CACNA1A: variants seen among roughly 807,000 people sequenced by gnomAD.
The protein encoded by CACNA1A is calcium voltage-gated channel subunit alpha1 A, also known as voltage-dependent P/Q-type calcium channel subunit alpha-1A.
A neutral mutation model predicts 262.4 loss-of-function variants in CACNA1A; 57 were observed. The observed-to-expected ratio is 0.22, with a 90% confidence interval of 0.18 to 0.27. The LOEUF (loss-of-function observed/expected upper bound fraction) is 0.27. Ranked by LOEUF, CACNA1A falls within the 10% of genes least tolerant of loss-of-function variation. The pLI, the probability that CACNA1A is intolerant of heterozygous loss-of-function variation, is 1.00. For synonymous variants in CACNA1A, 1,431 were observed against 1,419.3 expected, an observed-to-expected ratio of 1.01 and a Z score of -0.18; for missense variants, 2,526 against 3,562.8, an observed-to-expected ratio of 0.71 and a Z score of 7.41.
chr19:13,453,054 G>A (rs748082104), intron 2 of CACNA1A, 39 bp from the exon 3 acceptor site: 1 of 1,611,846 alleles, frequency 6.2e-7, no homozygotes. Context: ...TCTTGGGCTG[G>A]GCAGATGTTG....
intron 1 of CACNA1A, among the ~76,000 whole-genome samples, chr19:13,502,369 T>C (rs1377516009): frequency 6.6e-6 from 1 of 152,208 alleles, no homozygotes; most frequent in Non-Finnish European, 1.5e-5. Context: ...GGCCTGAGTT[T>C]CTACATCATG....
At chr19:13,235,159 T>G in intron 33 of CACNA1A, 50 bp downstream of exon 33, 1 of 1,591,180 alleles carries the variant, frequency 6.3e-7, no homozygotes, top group Non-Finnish European at 8.6e-7. Context: ...TTTCTAAGGG[T>G]GGCTGCCCTC....
chr19:13,261,391 A>T (rs1422500033), intron 26 of CACNA1A, 59 bp downstream of exon 26: 1 of 1,477,056 alleles, frequency 6.8e-7, no homozygotes, highest in East Asian at 2.5e-5. Flanking sequence ...GCCTCTAGCC[A>T]CTTCCCCCCT....
intron 6 of CACNA1A, among the ~76,000 whole-genome samples, chr19:13,349,335 C>T (rs1222415315): frequency 2.0e-5 from 3 of 152,204 alleles, no homozygotes; most frequent in Admixed American, 6.5e-5. Flanking sequence ...GTCCCCAGCC[C>T]CTCCACATCC....
rs1185134524 is a variant in CACNA1A at position 13,207,385 on chromosome 19, G to C, written c.7449C>G (p.Ala2483=). The C allele has an allele frequency of 1.9e-6, 3 of 1,544,122 alleles. No individual in the cohort carries two copies. In the East Asian group the frequency reaches 7.3e-5, roughly 37 times the overall value. ...TCCTGGAGCCCGGCCCGCGGGGCCT[G>C]GCCAGTCCGTGCGCCGGGTAGTAGC... ...PNGYYPAHGL[A]RPRGPGSRKG... The change falls in exon 47 of 47, where the codon GCC becomes GCG. Residue 2483 remains alanine (A), a synonymous_variant. Transcript: ENST00000360228. The surrounding 1 kb of genome is among the most constrained non-coding windows in gnomAD (Gnocchi z 5.7).
chr19:13,386,383 T>C (rs1221748734), intron 3 of CACNA1A, among the ~76,000 whole-genome samples: 1 of 152,124 alleles, frequency 6.6e-6, no homozygotes, highest in East Asian at 1.9e-4. Context: ...GAAAAGGATT[T>C]TTTCCCCGTG....
intron 6 of CACNA1A, among the ~76,000 whole-genome samples, chr19:13,338,732 C>T (rs1474347324): frequency 2.0e-5 from 3 of 152,246 alleles, no homozygotes; most frequent in Admixed American, 6.5e-5. Flanking sequence ...ATGAGGGGGG[C>T]TTCTGGGGCT....
chr19:13,250,823 T>C (rs2056376140), intron 30 of CACNA1A, among the ~76,000 whole-genome samples: 1 of 152,184 alleles, frequency 6.6e-6, no homozygotes, highest in Non-Finnish European at 1.5e-5. Flanking sequence ...CCTTTTGTAA[T>C]AAAATAGCTA....
intron 6 of CACNA1A, among the ~76,000 whole-genome samples, chr19:13,342,478 C>T (rs1430544670): frequency 2.0e-5 from 3 of 152,154 alleles, no homozygotes; most frequent in Non-Finnish European, 4.4e-5. Context: ...CTCTAGAGAT[C>T]GCCTTGTCTT....
At chr19:13,231,644 C>T in intron 35 of CACNA1A, 66 bp downstream of exon 35, 2 of 1,508,172 alleles carry the variant, frequency 1.3e-6, no homozygotes. Flanking sequence ...CCACAGAAAC[C>T]CACTCCCCTG....
chr19:13,235,001 C>T lies in CACNA1A; in HGVS notation c.5169G>A (p.Glu1723=). 1 of 1,613,814 alleles carries T rather than the reference C, an allele frequency of 6.2e-7. No homozygotes were observed. ...TTTGGAACTCATCTTCATCACTGTC[C>T]TCGTCCTCCACGTCGATGCCAATGT... The part of the protein sequence containing the change: ...FGNIGIDVED[E]DSDEDEFQIT... The change falls in exon 34 of 47, where the codon GAG becomes GAA. Residue 1723 remains glutamate (E), a synonymous_variant. Coordinates refer to ENST00000360228, the MANE Select transcript of CACNA1A (RefSeq NM_001127222.2).
intron 40 of CACNA1A, among the ~76,000 whole-genome samples, chr19:13,213,015 C>T (rs1168061642): frequency 1.3e-5 from 2 of 152,138 alleles, no homozygotes; most frequent in Non-Finnish European, 2.9e-5. Context: ...CACTGTTCCA[C>T]AAGAGCCACC....
intron 1 of CACNA1A, among the ~76,000 whole-genome samples, chr19:13,476,138 A>G (rs776194305): frequency 6.6e-6 from 1 of 152,186 alleles, no homozygotes; most frequent in Non-Finnish European, 1.5e-5. Context: ...GACTTCCATC[A>G]GCTGCACTGT....
intron 3 of CACNA1A, among the ~76,000 whole-genome samples, chr19:13,387,756 T>G (rs1414154772): frequency 2.0e-5 from 3 of 151,988 alleles, no homozygotes; most frequent in African/African-American, 7.3e-5. Flanking sequence ...AGTTGAGAAG[T>G]GGAGGCAGAG....
At chr19:13,502,433 G>C (rs1982499268) in intron 1 of CACNA1A, among the ~76,000 whole-genome samples, 2 of 152,166 alleles carry the variant, frequency 1.3e-5, no homozygotes, top group Non-Finnish European at 2.9e-5. Context: ...CATTCACCTT[G>C]GCACTTGGTA....
At chr19:13,397,522 C>T (rs2059829461) in intron 3 of CACNA1A, among the ~76,000 whole-genome samples, 1 of 152,210 alleles carries the variant, frequency 6.6e-6, no homozygotes, top group South Asian at 2.1e-4. Context: ...AGTGAGGACC[C>T]ACGCAGAGAC....
In CACNA1A at chr19:13,255,230, G is replaced by A. The variant is rs1260969024; in HGVS notation, c.4620C>T (p.Ala1540=). The part of the protein sequence containing the change: ...ERACIDFAIS[A]KPLTRHMPQN... ...GCGGCATGTGTCGGGTCAGCGGCTTGGCGCTGATGGCGAAATCAATGCAGG... is the reference window on the plus strand; with the variant it reads ...GCGGCATGTGTCGGGTCAGCGGCTTAGCGCTGATGGCGAAATCAATGCAGG... The change falls in exon 29 of 47, where the codon GCC becomes GCT. Residue 1540 remains alanine, a synonymous_variant. Transcript: ENST00000360228. 3.7e-6 allele frequency: 6 copies of A among 1,604,548 alleles called. No homozygotes were observed. The highest frequency in any genetic ancestry group is 4.3e-6 in the Non-Finnish European group (5 of 1,172,578).
intron 1 of CACNA1A, among the ~76,000 whole-genome samples, chr19:13,502,080 G>A (rs1428437510): frequency 6.6e-6 from 1 of 151,358 alleles, no homozygotes; most frequent in African/African-American, 2.4e-5. Context: ...TCTCAGGACA[G>A]GCCAAGAGTC....
intron 3 of CACNA1A, among the ~76,000 whole-genome samples, chr19:13,427,657 C>G (rs550870802): frequency 1.2e-4 from 19 of 152,052 alleles, no homozygotes; most frequent in African/African-American, 1.9e-4. Context: ...GAAAAACAAC[C>G]CTTTTAGGAT....
Sources: allele counts gnomAD v4.1 joint callset (sites outside exome capture counted in the v4.1 genomes callset), GRCh38; gene constraint gnomAD v4.1.1; non-coding constraint Gnocchi (gnomAD v3.1); transcripts MANE v1.5; gene names NCBI Gene and HGNC (gene_info 2026-07-23, HGNC 2026-07-21).